The following LYRM7 variants were observed in gnomAD, a reference collection of about 807,000 sequenced individuals.
LYRM7 encodes LYR motif containing 7.
LYRM7 carries 9 observed loss-of-function variants against 15.8 expected under a neutral mutation model. That is an observed-to-expected ratio of 0.57 (90% CI 0.34 to 0.99). LYRM7 has a LOEUF of 0.99. Ranked by LOEUF, LYRM7 falls within the 50% of genes least tolerant of loss-of-function variation. The pLI is 0.02. For missense variants in LYRM7, 115 were observed against 119.1 expected (o/e 0.97, Z 0.16); for synonymous variants, 39 against 39.4 (o/e 0.99, Z 0.04).
At chr5:131,196,227 C>T (rs1161595088) in intron 4 of LYRM7, among the ~76,000 whole-genome samples, 1 of 151,520 alleles carries the variant, frequency 6.6e-6, no homozygotes, top group Non-Finnish European at 1.5e-5. Context: ...CCTCACACCT[C>T]CTGAATAGCT....
At chr5:131,183,955 TTTTTGTTTTTG>T (rs1338226301) in intron 3 of LYRM7, among the ~76,000 whole-genome samples, 2 of 152,044 alleles carry the variant, frequency 1.3e-5, no homozygotes, top group Non-Finnish European at 2.9e-5. Flanking sequence ...GGTATTGGTT[TTTTTGTTTTTG>T]TTTTGTTTTT....
chr5:131,172,642 ATG>A (rs960783069), intron 1 of LYRM7, among the ~76,000 whole-genome samples: 1 of 152,222 alleles, frequency 6.6e-6, no homozygotes, highest in Non-Finnish European at 1.5e-5. Flanking sequence ...CTTATGCTAC[ATG>A]TGGGAAGATA....
At chr5:131,198,566 GA>G (rs1756007793) in intron 4 of LYRM7, among the ~76,000 whole-genome samples, 1 of 151,672 alleles carries the variant, frequency 6.6e-6, no homozygotes, top group Non-Finnish European at 1.5e-5. Flanking sequence ...CAAAAATTTG[GA>G]ATTTTTTTTT....
At chr5:131,192,554 A>G (rs1755903791) in intron 4 of LYRM7, among the ~76,000 whole-genome samples, 1 of 152,212 alleles carries the variant, frequency 6.6e-6, no homozygotes, top group Non-Finnish European at 1.5e-5. Flanking sequence ...AGTATGTATC[A>G]ATTAAAAATA....
chr5:131,190,836 A>C (rs1755874719), intron 4 of LYRM7, among the ~76,000 whole-genome samples: 1 of 152,020 alleles, frequency 6.6e-6, no homozygotes, highest in Non-Finnish European at 1.5e-5. Flanking sequence ...TTAATCCTAA[A>C]CTTAAGATGT....
intron 4 of LYRM7, among the ~76,000 whole-genome samples, chr5:131,190,385 G>A (rs751161313): frequency 4.6e-5 from 7 of 151,578 alleles, no homozygotes; most frequent in African/African-American, 7.3e-5. Flanking sequence ...TAGTAGAGAC[G>A]GAGTTTCACC....
intron 1 of LYRM7, among the ~76,000 whole-genome samples, chr5:131,179,474 T>TTTTTTTTTTTTTTTTTTCA (rs1755656398): frequency 3.8e-4 from 9 of 23,488 alleles, no homozygotes; most frequent in Admixed American, 7.4e-4. Context: ...TTTTTTTTTC[T>TTTTTTTTTTTTTTTTTTCA]TTTTTTTTTT....
intron 4 of LYRM7, among the ~76,000 whole-genome samples, 157 bp downstream of exon 4, chr5:131,187,266 T>A (rs1270734104): frequency 6.6e-6 from 1 of 152,250 alleles, no homozygotes; most frequent in Non-Finnish European, 1.5e-5. Flanking sequence ...TCTATAAGAC[T>A]GAATTATGAA....
intron 4 of LYRM7, among the ~76,000 whole-genome samples, chr5:131,198,837 C>G (rs1168745488): frequency 6.6e-6 from 1 of 151,450 alleles, no homozygotes; most frequent in Non-Finnish European, 1.5e-5. Flanking sequence ...TCCCAAAGTT[C>G]TAGGATTACA....
Position 131,194,009 on chromosome 5 carries a change from C to CA in LYRM7, c.245-5511dup, listed in dbSNP as rs935835851. 4.1e-3 allele frequency among the ~76,000 whole-genome samples: 567 copies of CA among 137,980 alleles called. 3 individuals carry two copies. The highest frequency in any genetic ancestry group is 0.014 in the Middle Eastern group (4 of 280). 90.5% of individuals were successfully genotyped at this position (137,980 alleles called of 152,430 possible). ...GGGCAACAAGAGCAAAACTCCGTCT[C>CA]AAAAAAAAAAAGAAATTGCTTTTTA... On this transcript the variant is annotated intron_variant, in intron 4 of 4. Coordinates refer to ENST00000379380, the MANE Select transcript of LYRM7 (RefSeq NM_181705.4).
intron 3 of LYRM7, 105 bp from the exon 4 acceptor site, chr5:131,186,923 T>C (rs1755803342): frequency 3.0e-6 from 2 of 663,612 alleles, no homozygotes; most frequent in Admixed American, 2.9e-5. Flanking sequence ...GAGAAACTAC[T>C]GTATTACTTG....
intron 3 of LYRM7, among the ~76,000 whole-genome samples, chr5:131,186,689 G>A (rs941819268): frequency 2.6e-5 from 4 of 152,172 alleles, no homozygotes; most frequent in East Asian, 1.9e-4. Context: ...CTTGATAACC[G>A]AGATGGCTAC....
At chr5:131,186,851 G>T (rs940942390) in intron 3 of LYRM7, among the ~76,000 whole-genome samples, 177 bp from the exon 4 acceptor site, 1 of 152,156 alleles carries the variant, frequency 6.6e-6, no homozygotes, top group Non-Finnish European at 1.5e-5. Flanking sequence ...TTTATTTTGG[G>T]AATTTTCTAT....
chr5:131,180,776 T>C (rs1279307035), intron 2 of LYRM7, among the ~76,000 whole-genome samples: 3 of 152,234 alleles, frequency 2.0e-5, no homozygotes, highest in East Asian at 3.8e-4. Context: ...AAATAAGATA[T>C]ATGTATTGTA....
Position 131,205,244 on chromosome 5 carries a change from A to G in LYRM7, c.*5643A>G, listed in dbSNP as rs975583634. 1 of 152,180 alleles carries G rather than the reference A, an allele frequency of 6.6e-6. No individual in the cohort carries two copies. Among genetic ancestry groups the G allele is most frequent in the Non-Finnish European group, 1.5e-5 (1 of 68,016 alleles). 9.4% of individuals were successfully genotyped at this position (152,180 alleles called of 1,614,324 possible). A position where few individuals can be genotyped will look rare whatever the true frequency, so the allele number is the denominator to read the frequency against. On this transcript the variant is annotated 3_prime_UTR_variant, in exon 5 of 5. Coordinates refer to ENST00000379380, the MANE Select transcript of LYRM7 (RefSeq NM_181705.4). ...GTGTTTATACTTTTACCAAGTGTGT[A>G]TGTATTCAAAAAACAGTTGTTTTGT...
chr5:131,199,668 T>TTCTAAA lies in LYRM7; in HGVS notation c.*67_*68insTCTAAA. ...AAATCTACAACTCTGGCAAAAGTCC[T>TTCTAAA]GGAAATGCAGACATTTTCCCTGAAC... is the stretch of plus-strand genomic sequence containing the variant. On this transcript the variant is annotated 3_prime_UTR_variant, in exon 5 of 5. Coordinates refer to ENST00000379380, the MANE Select transcript of LYRM7 (RefSeq NM_181705.4). 1 of 1,110,298 alleles carries TTCTAAA rather than the reference T, an allele frequency of 9.0e-7. No homozygotes were observed. The highest frequency in any genetic ancestry group is 1.3e-6 in the Non-Finnish European group (1 of 762,784). The allele number at this position is 1,110,298 out of a possible 1,614,324, so 68.8% of individuals were successfully genotyped here.
chr5:131,202,522 T>C lies in LYRM7; in HGVS notation c.*2921T>C, dbSNP rs1164664617. On this transcript the variant is annotated 3_prime_UTR_variant, in exon 5 of 5. Coordinates refer to ENST00000379380, the MANE Select transcript of LYRM7 (RefSeq NM_181705.4). The stretch of plus-strand genomic sequence containing the variant: ...GAAAAAAAGAAAACTTTTTTACACA[T>C]GGGTATCTCACCATGTTGCCCAGGC... 1 of 152,582 alleles carries C rather than the reference T, an allele frequency of 6.6e-6. No homozygotes were observed. Among genetic ancestry groups the C allele is most frequent in the East Asian group, 1.9e-4 (1 of 5,176 alleles). 9.5% of individuals were successfully genotyped at this position (152,582 alleles called of 1,614,324 possible). A position where few individuals can be genotyped will look rare whatever the true frequency, so the allele number is the denominator to read the frequency against.
At chr5:131,172,666 A>C (rs1216477007) in intron 1 of LYRM7, among the ~76,000 whole-genome samples, 2 of 152,216 alleles carry the variant, frequency 1.3e-5, no homozygotes, top group Admixed American at 1.3e-4. Flanking sequence ...AAAGGTGACC[A>C]GTCCAACAAG....
intron 1 of LYRM7, among the ~76,000 whole-genome samples, chr5:131,173,335 G>A (rs774906973): frequency 3.9e-5 from 6 of 152,202 alleles, no homozygotes; most frequent in Non-Finnish European, 5.9e-5. Context: ...CCACGGCGAC[G>A]AAGTGTATAT....
Sources: allele counts gnomAD v4.1 joint callset (sites outside exome capture counted in the v4.1 genomes callset), GRCh38; gene constraint gnomAD v4.1.1; transcripts MANE v1.5; gene names NCBI Gene and HGNC (gene_info 2026-07-23, HGNC 2026-07-21).